Variants in VPS50 observed in about 807,000 individuals in gnomAD.
VPS50 encodes the protein syndetin.
VPS50 carries 70 observed loss-of-function variants against 139.7 expected under a neutral mutation model. The ratio of observed to expected loss-of-function variants is 0.50; its 90% CI spans 0.41 to 0.61. The LOEUF is 0.61. VPS50 is among the 20% of genes least tolerant of loss of function. VPS50 has a pLI of 0.00. For synonymous variants in VPS50, 365 were observed against 376.7 expected (o/e 0.97, Z 0.36); for missense variants, 921 against 1,133.7 (o/e 0.81, Z 2.69).
intron 23 of VPS50, among the ~76,000 whole-genome samples, chr7:93,342,525 G>C (rs1275118147): frequency 2.0e-5 from 3 of 152,214 alleles, no homozygotes; most frequent in Non-Finnish European, 4.4e-5. Flanking sequence ...TCTGGGGGCA[G>C]GGCACAGACA....
Position 93,297,215 on chromosome 7 carries a change from AGT to A in VPS50, c.1336_1337del (p.Val446GlnfsTer8). ...TTTACAGGAATCTATTAGAAAACAA[AGT>A]GTCAATTATTTCAAGAATTACCATA... Reference protein sequence around the residue: ...EVLQESIRKQSVNYFKNYHRT... With the variant: ...EVLQESIRKQXVNYFKNYHRT... On this transcript the variant is annotated frameshift_variant, in exon 16 of 28. Transcript: ENST00000305866. LOFTEE classifies it high-confidence loss of function. 1 of 1,557,260 alleles carries A rather than the reference AGT, an allele frequency of 6.4e-7. No individual in the cohort carries two copies. The highest frequency in any genetic ancestry group is 8.6e-7 in the Non-Finnish European group (1 of 1,162,732).
chr7:93,249,987 T>C (rs1186022809), intron 2 of VPS50, among the ~76,000 whole-genome samples: 1 of 152,084 alleles, frequency 6.6e-6, no homozygotes, highest in African/African-American at 2.4e-5. Flanking sequence ...CCTTCAGGAA[T>C]GTAGTTCCCA....
chr7:93,327,965 A>T (rs1055526187), intron 21 of VPS50, among the ~76,000 whole-genome samples: 3 of 152,136 alleles, frequency 2.0e-5, no homozygotes, highest in African/African-American at 7.2e-5. Flanking sequence ...TCTTTTTCTC[A>T]GGGGTTCTGG....
intron 1 of VPS50, among the ~76,000 whole-genome samples, chr7:93,238,137 T>C (rs911137543): frequency 6.6e-6 from 1 of 152,174 alleles, no homozygotes; most frequent in African/African-American, 2.4e-5. Context: ...TATATAGAAG[T>C]GTAGTTTGGT....
rs536570318 is a variant in VPS50 at position 93,300,037 on chromosome 7, GAA to G, written c.1361+2795_1361+2796del. ...CTTAAAGTGGCATTGACTGGTGTTA[GAA>G]GAGAGAAGTCACCTATCTTTTTAGA... is the stretch of plus-strand genomic sequence containing the variant. On this transcript the variant is annotated intron_variant, in intron 16 of 27. Coordinates refer to ENST00000305866, the MANE Select transcript of VPS50 (RefSeq NM_017667.4). Among the ~76,000 whole-genome samples, 23 of 152,230 alleles carry G rather than the reference GAA, an allele frequency of 1.5e-4. 1 individual carries two copies. In the South Asian group the frequency reaches 4.1e-3, roughly 27 times the overall value.
At chr7:93,329,352 A>G (rs1327909967) in intron 21 of VPS50, among the ~76,000 whole-genome samples, 2 of 152,184 alleles carry the variant, frequency 1.3e-5, no homozygotes, top group East Asian at 1.9e-4. Context: ...CCAAATGGAC[A>G]TGACAGAAGA....
At chr7:93,342,392 C>T (rs183581686) in intron 23 of VPS50, among the ~76,000 whole-genome samples, 1,935 of 152,292 alleles carry the variant, frequency 0.013, 13 homozygotes, top group Middle Eastern at 0.024. Flanking sequence ...GCGGCAGTGA[C>T]GCTGGGGGAG....
chr7:93,303,532 C>T lies in VPS50; in HGVS notation c.1434C>T (p.Phe478=). The change falls in exon 17 of 28, where the codon TTC becomes TTT. Residue 478 remains phenylalanine, a synonymous_variant. Transcript: ENST00000305866. The stretch of plus-strand genomic sequence containing the variant: ...AACTTTGTCCTGTTAAGTCAAATTT[C>T]AGCATCTTGCAACTTCATGTAAGTG... ...TWELCPVKSN[F]SILQLHEFKF... is the part of the protein sequence containing the mutation. 6.6e-7 allele frequency: 1 copy of T among 1,524,902 alleles called. No homozygotes were observed. The highest frequency in any genetic ancestry group is 9.0e-7 in the Non-Finnish European group (1 of 1,108,648). 94.5% of individuals were successfully genotyped at this position (1,524,902 alleles called of 1,614,324 possible).
intron 2 of VPS50, among the ~76,000 whole-genome samples, chr7:93,247,834 G>A (rs1430113368): frequency 6.6e-6 from 1 of 151,964 alleles, no homozygotes; most frequent in African/African-American, 2.4e-5. Context: ...ATGATAGTAT[G>A]GGAGAGAGAT....
At chr7:93,330,766 A>AAAAC (rs1424016581) in intron 21 of VPS50, among the ~76,000 whole-genome samples, 9 of 150,810 alleles carry the variant, frequency 6.0e-5, no homozygotes, top group African/African-American at 9.7e-5. Context: ...TGTCTCAAAA[A>AAAAC]AAAAAAAAAA....
intron 12 of VPS50, chr7:93,276,535 T>C: frequency 1.9e-6 from 1 of 533,964 alleles, no homozygotes. Context: ...CTCAATCGAC[T>C]CTTTACCATT....
chr7:93,279,184 A>G (rs941651639), intron 12 of VPS50, among the ~76,000 whole-genome samples: 2 of 152,224 alleles, frequency 1.3e-5, no homozygotes, highest in Non-Finnish European at 2.9e-5. Context: ...GCTCCTGGTC[A>G]GTGCTGCTAC....
At position 93,296,832 on chromosome 7, in the gene VPS50, A is replaced by T; in HGVS notation, c.1258A>T (p.Ser420Cys). 1 of 1,596,596 alleles carries T rather than the reference A, an allele frequency of 6.3e-7. No homozygotes were observed. Among genetic ancestry groups the T allele is most frequent in the East Asian group, 2.2e-5 (1 of 44,534 alleles). Reference sequence around the variant, plus strand: ...TTTCATCTTTGTTTTGGATATAATCAGCAGGTAGTATTTAAGATCTTGTCT... The same window carrying T: ...TTTCATCTTTGTTTTGGATATAATCTGCAGGTAGTATTTAAGATCTTGTCT... ...DDFIFVLDII[S>C]RLMQVGEEFC... The change falls in exon 15 of 28, where the codon AGC becomes TGC. Residue 420 changes from serine (S) to cysteine (C), a missense_variant. Ser to Cys is a moderately radical substitution (Grantham distance 112). Transcript: ENST00000305866.
At chr7:93,308,673 A>G (rs1344669216) in intron 18 of VPS50, 151 bp from the exon 19 acceptor site, 2 of 440,018 alleles carry the variant, frequency 4.5e-6, no homozygotes, top group East Asian at 7.0e-5. Context: ...ATGGAAGAAT[A>G]ATTAGATTCT....
chr7:93,328,839 T>C (rs2117034643), intron 21 of VPS50, among the ~76,000 whole-genome samples: 1 of 152,250 alleles, frequency 6.6e-6, no homozygotes, highest in South Asian at 2.1e-4. Context: ...GATTTCCAAA[T>C]TCAGTCCACC....
intron 16 of VPS50, among the ~76,000 whole-genome samples, chr7:93,302,024 A>T (rs1796990848): frequency 6.6e-6 from 1 of 152,184 alleles, no homozygotes. Context: ...GATGTTTAGC[A>T]TCGTTTAAGG....
intron 12 of VPS50, among the ~76,000 whole-genome samples, chr7:93,287,842 A>T (rs915841057): frequency 6.6e-5 from 10 of 152,074 alleles, no homozygotes; most frequent in African/African-American, 2.4e-4. Context: ...GTGCATTAGT[A>T]TTGGCTTTCG....
chr7:93,351,670 C>T (rs1171969811), intron 25 of VPS50, among the ~76,000 whole-genome samples: 3 of 152,028 alleles, frequency 2.0e-5, no homozygotes, highest in Non-Finnish European at 4.4e-5. Flanking sequence ...AGAGCTTGGC[C>T]CTCATGACCT....
chr7:93,294,113 T>G (rs1796732305), intron 13 of VPS50, among the ~76,000 whole-genome samples: 1 of 152,328 alleles, frequency 6.6e-6, no homozygotes, highest in Non-Finnish European at 1.5e-5. Context: ...ATGAAAAATA[T>G]AAAATATATG....
Sources: allele counts gnomAD v4.1 joint callset (sites outside exome capture counted in the v4.1 genomes callset), GRCh38; gene constraint gnomAD v4.1.1; transcripts MANE v1.5; gene names NCBI Gene and HGNC (gene_info 2026-07-23, HGNC 2026-07-21).